The following TTC28 variants were observed in gnomAD, a reference collection of about 807,000 sequenced individuals.
TTC28 encodes the protein tetratricopeptide repeat protein 28.
TTC28 carries 61 observed loss-of-function variants against 198.0 expected under a neutral mutation model. The observed-to-expected ratio is 0.31, with a 90% CI of 0.25 to 0.38. The LOEUF (loss-of-function observed/expected upper bound fraction) is 0.38, where lower values mean the gene tolerates loss of function less well. TTC28 is among the 10% of genes least tolerant of loss of function. The pLI is 1.00. For synonymous variants in TTC28, 1,171 were observed against 1,297.8 expected (o/e 0.90, Z 2.10); for missense variants, 2,678 against 3,164.0 (o/e 0.85, Z 3.69).
intron 2 of TTC28, among the ~76,000 whole-genome samples, chr22:28,310,881 G>A (rs563226799): frequency 1.1e-4 from 17 of 151,776 alleles, no homozygotes; most frequent in African/African-American, 4.1e-4. Context: ...CCCAGTTCAA[G>A]TGATTCTCCT....
At position 27,983,812 on chromosome 22, in the gene TTC28, G is replaced by A; in HGVS notation, c.5855C>T (p.Ser1952Phe). 1 of 1,551,692 alleles carries A rather than the reference G, an allele frequency of 6.4e-7. No individual in the cohort carries two copies. Among genetic ancestry groups the A allele is most frequent in the Non-Finnish European group, 8.7e-7 (1 of 1,146,998 alleles). Residue 1952 changes from serine (S) to phenylalanine (F), a missense_variant, in exon 23 of 23, where the codon TCC becomes TTC. Ser to Phe is a radical substitution (Grantham distance 155). This residue lies in a region of TTC28 where 314 missense variants were observed against 442.7 expected (regional missense o/e 0.71). Transcript: ENST00000397906. ...ELPKRLSLDS[S>F]SSLESLASAQ... ...AGAAGCAAGAGACTCGAGGGAGGAG[G>A]AGCTGTCAAGGCTGAGGCGCTTGGG...
intron 2 of TTC28, among the ~76,000 whole-genome samples, chr22:28,391,310 A>G (rs906428029): frequency 2.6e-5 from 4 of 152,002 alleles, no homozygotes; most frequent in African/African-American, 9.7e-5. Context: ...GAATCTGACA[A>G]TTATGTGTCT....
chr22:28,306,345 G>T, intron 3 of TTC28, 151 bp downstream of exon 3: 2 of 893,184 alleles, frequency 2.2e-6, no homozygotes, highest in South Asian at 1.8e-5. Context: ...TCACTTGCTG[G>T]CAGTGATTCT....
intron 2 of TTC28, among the ~76,000 whole-genome samples, chr22:28,322,631 A>T (rs556240716): frequency 3.9e-5 from 6 of 152,350 alleles, no homozygotes; most frequent in African/African-American, 1.2e-4. Flanking sequence ...TGCCTCGTCC[A>T]TCAGCCCTAT....
At chr22:28,116,861 T>A (rs1942644917) in intron 6 of TTC28, among the ~76,000 whole-genome samples, 2 of 152,158 alleles carry the variant, frequency 1.3e-5, no homozygotes. Flanking sequence ...CCCAATCCAG[T>A]CTTCCTATGC....
intron 12 of TTC28, among the ~76,000 whole-genome samples, chr22:28,041,514 A>C (rs1389810487): frequency 6.6e-6 from 1 of 152,258 alleles, no homozygotes; most frequent in African/African-American, 2.4e-5. Context: ...TGGTGCTGGG[A>C]AAACTGGCTA....
At chr22:28,238,364 C>A (rs911487016) in intron 5 of TTC28, among the ~76,000 whole-genome samples, 2 of 152,064 alleles carry the variant, frequency 1.3e-5, no homozygotes, top group Admixed American at 1.3e-4. Context: ...TCTTTTTAAG[C>A]CCATCCAGTC....
At chr22:28,601,588 C>T (rs2050639249) in intron 2 of TTC28, among the ~76,000 whole-genome samples, 1 of 151,906 alleles carries the variant, frequency 6.6e-6, no homozygotes, top group African/African-American at 2.4e-5. Context: ...CAAATACTAC[C>T]TTATTTTATA....
chr22:28,491,211 G>C (rs2048372201), intron 2 of TTC28, among the ~76,000 whole-genome samples: 1 of 151,990 alleles, frequency 6.6e-6, no homozygotes, highest in African/African-American at 2.4e-5. Flanking sequence ...GCACTGCCTT[G>C]GTTTAAAACA....
At chr22:28,553,717 C>T (rs1363957927) in intron 2 of TTC28, among the ~76,000 whole-genome samples, 5 of 151,490 alleles carry the variant, frequency 3.3e-5, no homozygotes, top group Non-Finnish European at 5.9e-5. Context: ...GGTCAGCCCC[C>T]GCCAGGCCAA....
intron 2 of TTC28, among the ~76,000 whole-genome samples, chr22:28,624,195 G>C (rs903584779): frequency 1.5e-4 from 23 of 152,116 alleles, no homozygotes; most frequent in Admixed American, 1.3e-3. Flanking sequence ...TGGCTAACAC[G>C]GTGAAACCCT....
chr22:28,134,137 C>A (rs1481955930), intron 6 of TTC28, among the ~76,000 whole-genome samples: 1 of 152,226 alleles, frequency 6.6e-6, no homozygotes, highest in Non-Finnish European at 1.5e-5. Flanking sequence ...AACAGACCTG[C>A]AGCTAAGGGT....
At chr22:28,432,155 G>A (rs1429539554) in intron 2 of TTC28, among the ~76,000 whole-genome samples, 2 of 150,242 alleles carry the variant, frequency 1.3e-5, no homozygotes, top group Admixed American at 6.6e-5. Flanking sequence ...GCGTGGTGGC[G>A]GGTGCCTGTA....
rs1410283990 is a variant in TTC28 at position 28,352,907 on chromosome 22, GA to G, written c.382-46265del. ...AAGAAAGGAAGAGAGGTAATAAGGAGAAAAAAAGGACAGCATGAAAAATAAC... is the reference window on the plus strand; with the variant it reads ...AAGAAAGGAAGAGAGGTAATAAGGAGAAAAAAGGACAGCATGAAAAATAAC... On this transcript the variant is annotated intron_variant, in intron 2 of 22. Transcript: ENST00000397906. Among the ~76,000 whole-genome samples, 13 of 151,712 alleles carry G rather than the reference GA, an allele frequency of 8.6e-5. 1 individual carries two copies. The highest frequency in any genetic ancestry group is 2.9e-4 in the African/African-American group (12 of 41,392).
At chr22:28,214,557 A>G (rs564629655) in intron 5 of TTC28, among the ~76,000 whole-genome samples, 2 of 152,354 alleles carry the variant, frequency 1.3e-5, no homozygotes, top group Admixed American at 1.3e-4. Flanking sequence ...GCCATCAAAG[A>G]AATGCAAATC....
At chr22:28,419,661 G>A (rs764247539) in intron 2 of TTC28, among the ~76,000 whole-genome samples, 3 of 152,214 alleles carry the variant, frequency 2.0e-5, no homozygotes, top group Admixed American at 6.5e-5. Flanking sequence ...GGCATGGTAT[G>A]TCTACATGCT....
intron 2 of TTC28, among the ~76,000 whole-genome samples, chr22:28,614,131 G>A (rs1165782680): frequency 6.6e-6 from 1 of 152,124 alleles, no homozygotes; most frequent in African/African-American, 2.4e-5. Context: ...AAAATCACAA[G>A]CATTCCTATA....
rs374856560 is a variant in TTC28, at chr22:28,497,978, G to C, written c.381+131574C>G. Among the ~76,000 whole-genome samples the C allele has an allele frequency of 2.0e-4, 30 of 152,148 alleles. 1 individual carries two copies. Among genetic ancestry groups the C allele is most frequent in the East Asian group, 1.9e-3 (10 of 5,184 alleles). On this transcript the variant is annotated intron_variant, in intron 2 of 22. Coordinates refer to ENST00000397906, the MANE Select transcript of TTC28 (RefSeq NM_001145418.2). ...AGCTGGAACAATTAGCAAAAGAAGA[G>C]AAAAAGAGTGGGGGCTGAGTAACTG...
At chr22:28,088,441 G>A (rs1351158162) in intron 12 of TTC28, among the ~76,000 whole-genome samples, 13 of 152,164 alleles carry the variant, frequency 8.5e-5, no homozygotes, top group Non-Finnish European at 1.0e-4. Context: ...AAATGGTGCT[G>A]AGAAAACTGG....
Sources: gnomAD v4.1 joint callset for allele counts (sites outside exome capture counted in the v4.1 genomes callset) on GRCh38, gnomAD v4.1.1 for gene constraint, gnomAD v4.1.1 regional missense constraint, MANE v1.5 for transcripts, NCBI Gene and HGNC (gene_info 2026-07-23, HGNC 2026-07-21) for gene names.